The following ZNF292 variants were observed in gnomAD, a reference collection of about 807,000 sequenced individuals.
The protein encoded by ZNF292 is zinc finger protein 292.
Under a neutral mutation model 217.9 loss-of-function variants are expected in ZNF292, and 26 were observed. That is an observed-to-expected ratio of 0.12 (90% CI 0.09 to 0.17). The LOEUF is 0.17. ZNF292 is among the 10% of genes least tolerant of loss of function. The pLI is 1.00. For missense variants in ZNF292, 2,904 were observed against 3,175.2 expected (o/e 0.91, Z 2.05); for synonymous variants, 1,257 against 1,124.1 (o/e 1.12, Z -2.37).
rs868254690 is a variant in ZNF292 at position 87,238,465 on chromosome 6, G to A, written c.741+4938G>A. Among the ~76,000 whole-genome samples, 6 of 149,290 alleles carry A rather than the reference G, an allele frequency of 4.0e-5. No individual in the cohort carries two copies. The South Asian group carries it at 6.3e-4, about 16-fold the overall frequency. On this transcript the variant is annotated intron_variant, in intron 5 of 7. Transcript: ENST00000369577. ...CGCACCATTGCACTCCAGCCTGGGT[G>A]ATTGAGCGAGTCTCCATCTCAAAAA... is the stretch of plus-strand genomic sequence containing the variant.
At chr6:87,224,386 G>C (rs1277579374) in intron 4 of ZNF292, among the ~76,000 whole-genome samples, 1 of 149,746 alleles carries the variant, frequency 6.7e-6, no homozygotes, top group Non-Finnish European at 1.5e-5. Context: ...TATAGATTTT[G>C]ACAAATGAAA....
In ZNF292 at chr6:87,255,850, T is replaced by C. The variant is rs1201053987; in HGVS notation, c.2221T>C (p.Leu741=). Residue 741 remains leucine (L), a synonymous_variant, in exon 8 of 8, where the codon TTA becomes CTA. Coordinates refer to ENST00000369577, the MANE Select transcript of ZNF292 (RefSeq NM_015021.3). ...FVSVTHLNDH[L]QMHCGSKPYI... ...GAGTGTTACTCATCTCAATGATCAC[T>C]TACAGATGCACTGTGGCAGTAAACC... The C allele has an allele frequency of 5.0e-6, 8 of 1,613,872 alleles. No homozygotes were observed. Among genetic ancestry groups the C allele is most frequent in the Non-Finnish European group, 6.8e-6 (8 of 1,179,844 alleles).
intron 1 of ZNF292, chr6:87,215,123 A>G (rs1005865485): frequency 1.3e-5 from 2 of 152,138 alleles, no homozygotes; most frequent in Non-Finnish European, 2.9e-5. Context: ...TTCATTTAGC[A>G]TAACTATAGA....
intron 1 of ZNF292, among the ~76,000 whole-genome samples, chr6:87,176,090 T>C (rs1282870510): frequency 2.6e-5 from 4 of 152,230 alleles, no homozygotes; most frequent in Non-Finnish European, 5.9e-5. Context: ...CTTTCCCTCA[T>C]AGGGAAGAAA....
Position 87,182,864 on chromosome 6 carries a change from A to G in ZNF292, c.168+27105A>G, listed in dbSNP as rs193148651. ...AGCAGGACACCAGAATCTTTTTGAGAGATTTTCTACTTCCTGGTCCTACTG... is the reference window on the plus strand; with the variant it reads ...AGCAGGACACCAGAATCTTTTTGAGGGATTTTCTACTTCCTGGTCCTACTG... On this transcript the variant is annotated intron_variant, in intron 1 of 7. Transcript: ENST00000369577. Among the ~76,000 whole-genome samples, 43 of 152,254 alleles carry G rather than the reference A, an allele frequency of 2.8e-4. No homozygotes were observed. In the East Asian group the frequency reaches 7.5e-3, roughly 27 times the overall value.
At chr6:87,171,844 G>A (rs920295183) in intron 1 of ZNF292, among the ~76,000 whole-genome samples, 7 of 152,110 alleles carry the variant, frequency 4.6e-5, no homozygotes, top group Admixed American at 4.6e-4. Context: ...CAGTGGGAAT[G>A]TCTGCCACTC....
rs138359536 is a variant in ZNF292 at position 87,244,274 on chromosome 6, G to A, written c.878+663G>A. On this transcript the variant is annotated intron_variant, in intron 6 of 7. Coordinates refer to ENST00000369577, the MANE Select transcript of ZNF292 (RefSeq NM_015021.3). ...ATTGAAGCTTATAAAGGATTTCTGA[G>A]CATTGAGCCTCGTTATGAAGGAAAA... is the stretch of plus-strand genomic sequence containing the variant. Among the ~76,000 whole-genome samples the A allele has an allele frequency of 2.4e-4, 36 of 152,304 alleles. No homozygotes were observed. In the East Asian group the frequency reaches 6.2e-3, roughly 26 times the overall value.
At chr6:87,169,532 T>C (rs547101998) in intron 1 of ZNF292, 1 of 300,684 alleles carries the variant, frequency 3.3e-6, no homozygotes, top group Admixed American at 4.5e-5. Flanking sequence ...CTAGCACTAA[T>C]TTTGATTTAC....
chr6:87,180,392 G>T (rs1352271253), intron 1 of ZNF292, among the ~76,000 whole-genome samples: 2 of 151,590 alleles, frequency 1.3e-5, no homozygotes, highest in African/African-American at 4.9e-5. Flanking sequence ...TGTGGCTATG[G>T]ATATCCAGGG....
At chr6:87,193,813 C>T (rs995401755) in intron 1 of ZNF292, among the ~76,000 whole-genome samples, 4 of 152,128 alleles carry the variant, frequency 2.6e-5, no homozygotes, top group Admixed American at 1.3e-4. Flanking sequence ...ACTTGGGTCT[C>T]ATACTGAAGA....
At chr6:87,244,148 G>T (rs1774450492) in intron 6 of ZNF292, among the ~76,000 whole-genome samples, 1 of 152,108 alleles carries the variant, frequency 6.6e-6, no homozygotes, top group African/African-American at 2.4e-5. Context: ...AAGAAAATTT[G>T]ATTTATAAAA....
rs759326522 is a variant in ZNF292, at chr6:87,258,587, C to G, written c.4958C>G (p.Thr1653Arg). The change falls in exon 8 of 8, where the codon ACA becomes AGA. Residue 1653 changes from threonine (T) to arginine (R), a missense_variant. Physicochemically the swap from Thr to Arg is moderately conservative, Grantham distance 71. Around this residue, in one of 15 missense-constraint regions of ZNF292, gnomAD observed 622 missense variants for 573.1 expected, o/e 1.09. Coordinates refer to ENST00000369577, the MANE Select transcript of ZNF292 (RefSeq NM_015021.3). The stretch of plus-strand genomic sequence containing the variant: ...CAAAACTTGGTAACAAGTGACTTAA[C>G]AACAATGGGACTCATAGCAAAGAGT... ...ASQNLVTSDL[T>R]TMGLIAKSVE... The G allele has an allele frequency of 6.2e-7, 1 of 1,613,690 alleles. No homozygotes were observed. The highest frequency in any genetic ancestry group is 8.5e-7 in the Non-Finnish European group (1 of 1,179,762).
At chr6:87,251,434 G>T (rs1179889494) in intron 7 of ZNF292, among the ~76,000 whole-genome samples, 1 of 152,196 alleles carries the variant, frequency 6.6e-6, no homozygotes, top group African/African-American at 2.4e-5. Context: ...AACAGAAAAG[G>T]CAATGGGAAG....
chr6:87,193,246 C>T (rs564871381), intron 1 of ZNF292, among the ~76,000 whole-genome samples: 16 of 152,234 alleles, frequency 1.1e-4, no homozygotes, highest in South Asian at 2.1e-4. Context: ...CGTACCTGAG[C>T]TTATGTAACA....
chr6:87,227,653 G>A (rs562193180), intron 4 of ZNF292, among the ~76,000 whole-genome samples: 79 of 152,074 alleles, frequency 5.2e-4, no homozygotes, highest in African/African-American at 1.8e-3. Context: ...CTATAATTTT[G>A]AGTACTTTAG....
intron 1 of ZNF292, among the ~76,000 whole-genome samples, chr6:87,206,288 A>T (rs1772250692): frequency 6.6e-6 from 1 of 152,154 alleles, no homozygotes; most frequent in Non-Finnish European, 1.5e-5. Flanking sequence ...AAGGACAGGG[A>T]AACAAGGAGA....
rs764056317 is a variant in ZNF292 at position 87,255,411 on chromosome 6, A to G, written c.1782A>G (p.Gln594=). ...FVPHVTLHVK[Q]SSKERLAAMK... The stretch of plus-strand genomic sequence containing the variant: ...CTCATGTCACACTGCATGTTAAACA[A>G]TCTAGTAAAGAGAGACTAGCAGCTA... Residue 594 remains glutamine, a synonymous_variant, in exon 8 of 8, where the codon CAA becomes CAG. Coordinates refer to ENST00000369577, the MANE Select transcript of ZNF292 (RefSeq NM_015021.3). 6.2e-7 allele frequency: 1 copy of G among 1,613,854 alleles called. No individual in the cohort carries two copies. The highest frequency in any genetic ancestry group is 1.7e-5 in the Admixed American group (1 of 60,000).
At chr6:87,212,252 C>A (rs1269623377) in intron 1 of ZNF292, among the ~76,000 whole-genome samples, 2 of 152,178 alleles carry the variant, frequency 1.3e-5, no homozygotes, top group African/African-American at 4.8e-5. Context: ...GGATGTGCCA[C>A]CTTCCCAGCA....
At position 87,265,687 on chromosome 6, in the gene ZNF292, A is replaced by C. The variant is rs1044915386; in HGVS notation, c.*3886A>C. Among the ~76,000 whole-genome samples the C allele has an allele frequency of 6.6e-6, 1 of 152,252 alleles. No homozygotes were observed. The highest frequency in any genetic ancestry group is 1.5e-5 in the Non-Finnish European group (1 of 68,046). On this transcript the variant is annotated 3_prime_UTR_variant, in exon 8 of 8. Coordinates refer to ENST00000369577, the MANE Select transcript of ZNF292 (RefSeq NM_015021.3). ...CCACTGAACTAGCATTCTAAAGAAC[A>C]CACTTTGGGAAATGCTGATCTCAAA...
Sources: gnomAD v4.1 joint callset for allele counts (sites outside exome capture counted in the v4.1 genomes callset) on GRCh38, gnomAD v4.1.1 for gene constraint, gnomAD v4.1.1 regional missense constraint, MANE v1.5 for transcripts, NCBI Gene and HGNC (gene_info 2026-07-23, HGNC 2026-07-21) for gene names.